The following MEGF10 variants were observed in gnomAD, a reference collection of about 807,000 sequenced individuals.
MEGF10 encodes multiple epidermal growth factor-like domains protein 10.
A neutral mutation model predicts 147.5 loss-of-function variants in MEGF10; 86 were observed. The ratio of observed to expected loss-of-function variants is 0.58; its 90% CI spans 0.49 to 0.70. The LOEUF (loss-of-function observed/expected upper bound fraction) is 0.70. MEGF10 is among the 30% of genes least tolerant of loss of function. The pLI is 0.00. For synonymous variants in MEGF10, 478 were observed against 525.5 expected (o/e 0.91, Z 1.24); for missense variants, 1,329 against 1,487.3 (o/e 0.89, Z 1.75).
intron 5 of MEGF10, 88 bp downstream of exon 5, chr5:127,370,090 C>T (rs918380093): frequency 1.1e-6 from 1 of 925,538 alleles, no homozygotes; most frequent in Middle Eastern, 3.1e-4. Flanking sequence ...CATGCTTTCC[C>T]TCTTCATCCC....
rs1580895755 is a variant in MEGF10, at chr5:127,457,334, T to C, written c.*16T>C. 6.2e-7 allele frequency: 1 copy of C among 1,607,972 alleles called. No individual in the cohort carries two copies. The highest frequency in any genetic ancestry group is 2.2e-5 in the East Asian group (1 of 44,840). ...CAGTGAATGACACCAAAGGACCGCT[T>C]GGTAGCCACTGGAACCCTTTCCAGA... On this transcript the variant is annotated 3_prime_UTR_variant, in exon 25 of 25. Coordinates refer to ENST00000503335, the MANE Select transcript of MEGF10 (RefSeq NM_001256545.2).
chr5:127,331,357 T>A lies in MEGF10; in HGVS notation c.49T>A (p.Cys17Ser). 6.2e-7 allele frequency: 1 copy of A among 1,613,512 alleles called. No homozygotes were observed. The highest frequency in any genetic ancestry group is 1.3e-5 in the African/African-American group (1 of 75,028). The change falls in exon 2 of 25, where the codon TGC (cysteine) becomes AGC (serine). Residue 17 changes from cysteine to serine, a missense_variant. By Grantham distance (112) the Cys-to-Ser change is moderately radical. Transcript: ENST00000503335. Reference sequence around the variant, plus strand: ...CCTGAGCTTTATTTGTTTATTGTTATGCCACTGGATTGGGACAGCATCACC... The same window carrying A: ...CCTGAGCTTTATTTGTTTATTGTTAAGCCACTGGATTGGGACAGCATCACC... ...SCLSFICLLL[C>S]HWIGTASPLN...
the MEGF10 span, among the ~76,000 whole-genome samples, chr5:127,268,633 G>T: frequency 3.3e-5 from 5 of 152,260 alleles, no homozygotes; most frequent in Non-Finnish European, 7.3e-5. Context: ...AAGGAGGCCT[G>T]CCTGCCTCTG....
At chr5:127,305,499 A>G (rs1024241911) in intron 1 of MEGF10, among the ~76,000 whole-genome samples, 2 of 152,094 alleles carry the variant, frequency 1.3e-5, no homozygotes, top group Non-Finnish European at 2.9e-5. Flanking sequence ...CTGTGCCTGA[A>G]CCCAGCCAAG....
At chr5:127,244,629 C>A in the MEGF10 span, among the ~76,000 whole-genome samples, 2 of 152,038 alleles carry the variant, frequency 1.3e-5, no homozygotes, top group South Asian at 4.1e-4. Context: ...TGTCACCCCC[C>A]ACCCCACAAG....
intron 5 of MEGF10, among the ~76,000 whole-genome samples, chr5:127,383,802 C>T (rs1024216327): frequency 3.3e-5 from 5 of 152,320 alleles, no homozygotes; most frequent in African/African-American, 1.2e-4. Context: ...GCTGTGGGTA[C>T]ATGAGCCTTT....
intron 7 of MEGF10, among the ~76,000 whole-genome samples, chr5:127,402,038 C>T (rs1191969926): frequency 6.6e-6 from 1 of 152,188 alleles, no homozygotes; most frequent in Non-Finnish European, 1.5e-5. Flanking sequence ...AAATTTCAAT[C>T]TTGTGTTATG....
At chr5:127,422,058 A>G (rs1312911549) in intron 12 of MEGF10, among the ~76,000 whole-genome samples, 4 of 150,684 alleles carry the variant, frequency 2.7e-5, no homozygotes, top group Admixed American at 1.3e-4. Context: ...TTAAAACTAT[A>G]ATTTTATAAT....
chr5:127,419,665 T>G (rs1007089305), intron 11 of MEGF10, among the ~76,000 whole-genome samples: 1 of 152,202 alleles, frequency 6.6e-6, no homozygotes. Context: ...GATGGTGTTG[T>G]GTTTTCAAGC....
intron 13 of MEGF10, among the ~76,000 whole-genome samples, chr5:127,430,965 A>G (rs1765371285): frequency 6.6e-6 from 1 of 152,236 alleles, no homozygotes; most frequent in Admixed American, 6.5e-5. Context: ...GTTATTTTCA[A>G]GTAAGCTTGG....
intron 4 of MEGF10, among the ~76,000 whole-genome samples, chr5:127,351,064 G>A (rs185030): frequency 0.62 from 94,907 of 151,914 alleles, 29,951 homozygotes; most frequent in Middle Eastern, 0.77. Flanking sequence ...AGAATGAATA[G>A]GATCTAGTGT....
At chr5:127,375,622 T>C (rs1452604338) in intron 5 of MEGF10, among the ~76,000 whole-genome samples, 1 of 152,216 alleles carries the variant, frequency 6.6e-6, no homozygotes, top group Non-Finnish European at 1.5e-5. Flanking sequence ...TCCCATCTCC[T>C]TCTTCCCTCC....
At chr5:127,245,766 AAAAC>A in the MEGF10 span, among the ~76,000 whole-genome samples, 1 of 151,702 alleles carries the variant, frequency 6.6e-6, no homozygotes, top group African/African-American at 2.4e-5. Flanking sequence ...TTACAGGAAA[AAAAC>A]AACCCCATCA....
intron 4 of MEGF10, among the ~76,000 whole-genome samples, chr5:127,358,527 G>T (rs1018964071): frequency 6.6e-6 from 1 of 152,196 alleles, no homozygotes; most frequent in Non-Finnish European, 1.5e-5. Flanking sequence ...ATAGAGAGTG[G>T]TCAGGGCAAG....
chr5:127,260,846 C>A, the MEGF10 span, among the ~76,000 whole-genome samples: 1 of 152,158 alleles, frequency 6.6e-6, no homozygotes, highest in Non-Finnish European at 1.5e-5. Context: ...TGCTCAGGAA[C>A]TTTAGGAAGA....
rs144450528 is a variant in MEGF10, at chr5:127,455,555, A to G, written c.3180A>G (p.Pro1060=). Residue 1060 remains proline (P), a synonymous_variant, in exon 24 of 25, where the codon CCA becomes CCG. Coordinates refer to ENST00000503335, the MANE Select transcript of MEGF10 (RefSeq NM_001256545.2). ...AATCGCCGGCACGAAGAGATTCCCC[A>G]TATGCAGAGATCAATAACTCAACTT... ...EMKSPARRDS[P]YAEINNSTSA... is the part of the protein sequence containing the mutation. The G allele has an allele frequency of 8.3e-5, 134 of 1,614,162 alleles. 1 individual carries two copies. The East Asian group carries it at 2.1e-3, about 25-fold the overall frequency.
chr5:127,438,815 C>T (rs2127011489), intron 17 of MEGF10, among the ~76,000 whole-genome samples: 1 of 152,304 alleles, frequency 6.6e-6, no homozygotes, highest in East Asian at 1.9e-4. Context: ...CAGTTTATTT[C>T]TCTTCTCTCC....
intron 5 of MEGF10, among the ~76,000 whole-genome samples, chr5:127,380,673 A>AG: frequency 6.6e-6 from 1 of 152,010 alleles, no homozygotes; most frequent in Admixed American, 6.5e-5. Flanking sequence ...GCCTGTCACC[A>AG]CGTCCAGCTA....
At chr5:127,319,492 C>T (rs1456455571) in intron 1 of MEGF10, among the ~76,000 whole-genome samples, 1 of 152,108 alleles carries the variant, frequency 6.6e-6, no homozygotes, top group East Asian at 1.9e-4. Flanking sequence ...GTGCTGGGTG[C>T]TGTTTTAGGT....
Sources: allele counts gnomAD v4.1 joint callset (sites outside exome capture counted in the v4.1 genomes callset), GRCh38; gene constraint gnomAD v4.1.1; transcripts MANE v1.5; gene names NCBI Gene and HGNC (gene_info 2026-07-23, HGNC 2026-07-21).